BORCS5: variants seen among roughly 807,000 people sequenced by gnomAD.
BORCS5 encodes the protein BLOC-1 related complex subunit 5.
BORCS5 carries 17 observed loss-of-function variants against 22.1 expected under a neutral mutation model. That is an observed-to-expected ratio of 0.77 (90% confidence interval 0.53 to 1.15). The LOEUF is 1.15. BORCS5 is among the 50% of genes most tolerant of loss of function. BORCS5 has a pLI of 0.00. For synonymous variants in BORCS5, 117 were observed against 99.8 expected (o/e 1.17, Z -1.03); for missense variants, 247 against 253.2 (o/e 0.98, Z 0.17).
chr12:12,429,211 G>A (rs113280814), intron 2 of BORCS5, among the ~76,000 whole-genome samples: 65 of 152,304 alleles, frequency 4.3e-4, no homozygotes, highest in African/African-American at 1.3e-3. Context: ...AAAATTTACC[G>A]TCTCTAAATT....
rs554567005 is a variant in BORCS5, at chr12:12,357,275, C to A, written c.-177C>A. On this transcript the variant is annotated 5_prime_UTR_variant, in exon 1 of 4. Transcript: ENST00000314565. ...TTCCCCAAATAGGGCCTCTCCTTCT[C>A]CCGCCGCCCAGGCCCCTGCGTGGGC... The A allele has an allele frequency of 6.9e-5, 100 of 1,457,916 alleles. No homozygotes were observed. In the Middle Eastern group the frequency reaches 1.7e-3, roughly 25 times the overall value. The allele number at this position is 1,457,916 out of a possible 1,614,324, so 90.3% of individuals were successfully genotyped here.
chr12:12,413,631 GC>G lies in BORCS5; in HGVS notation c.203-21996del, dbSNP rs751173678. Among the ~76,000 whole-genome samples the G allele has an allele frequency of 3.1e-3, 407 of 132,540 alleles. 1 individual carries two copies. The highest frequency in any genetic ancestry group is 4.9e-3 in the Admixed American group (67 of 13,760). The allele number at this position is 132,540 out of a possible 152,430, so 87.0% of individuals were successfully genotyped here. A position where few individuals can be genotyped will look rare whatever the true frequency, so the allele number is the denominator to read the frequency against. ...AGACGGGTCGTGGCCGGGCAGAGGGGCTCCTCACTTCCCAGTAGGGGCGGCC... is the reference window on the plus strand; with the variant it reads ...AGACGGGTCGTGGCCGGGCAGAGGGGTCCTCACTTCCCAGTAGGGGCGGCC... On this transcript the variant is annotated intron_variant, in intron 2 of 3. Coordinates refer to ENST00000314565, the MANE Select transcript of BORCS5 (RefSeq NM_058169.6).
chr12:12,362,636 CTTTTTTTTTT>C (rs71436712), intron 2 of BORCS5, among the ~76,000 whole-genome samples: 4 of 57,554 alleles, frequency 6.9e-5, no homozygotes, highest in Non-Finnish European at 1.4e-4. Flanking sequence ...TGTTACTCAT[CTTTTTTTTTT>C]TTTTTTTTTT....
At chr12:12,364,564 G>T (rs1030128835) in intron 2 of BORCS5, among the ~76,000 whole-genome samples, 1 of 151,296 alleles carries the variant, frequency 6.6e-6, no homozygotes, top group Non-Finnish European at 1.5e-5. Context: ...ACGTGGTTCA[G>T]ACCCATGTTG....
Position 12,357,295 on chromosome 12 carries a change from G to A in BORCS5, c.-157G>A, listed in dbSNP as rs932918011. The A allele has an allele frequency of 6.9e-7, 1 of 1,456,054 alleles. No individual in the cohort carries two copies. The highest frequency in any genetic ancestry group is 9.1e-7 in the Non-Finnish European group (1 of 1,103,794). 90.2% of individuals were successfully genotyped at this position (1,456,054 alleles called of 1,614,324 possible). On this transcript the variant is annotated 5_prime_UTR_variant, in exon 1 of 4. It adds an upstream start codon to the 5' untranslated region. Coordinates refer to ENST00000314565, the MANE Select transcript of BORCS5 (RefSeq NM_058169.6). Reference sequence around the variant, plus strand: ...CTTCTCCCGCCGCCCAGGCCCCTGCGTGGGCTGGACGCGTCAGCCCCACAC... The same window carrying A: ...CTTCTCCCGCCGCCCAGGCCCCTGCATGGGCTGGACGCGTCAGCCCCACAC...
chr12:12,382,532 ATC>A (rs1863795754), intron 2 of BORCS5, among the ~76,000 whole-genome samples: 1 of 142,200 alleles, frequency 7.0e-6, no homozygotes, highest in African/African-American at 2.9e-5. Flanking sequence ...GATGGTATAT[ATC>A]TTTTTTTTTT....
intron 3 of BORCS5, among the ~76,000 whole-genome samples, chr12:12,449,743 C>T (rs1254788125): frequency 2.6e-5 from 4 of 152,214 alleles, no homozygotes; most frequent in Non-Finnish European, 5.9e-5. Context: ...CGATGCCGTT[C>T]AGCCTGTGGT....
At chr12:12,423,441 T>TA (rs1360903165) in intron 2 of BORCS5, among the ~76,000 whole-genome samples, 3 of 136,644 alleles carry the variant, frequency 2.2e-5, no homozygotes, top group Non-Finnish European at 4.6e-5. Flanking sequence ...CCCTCAGCTT[T>TA]TTTTTTTTTT....
rs537820703 is a variant in BORCS5 at position 12,412,157 on chromosome 12, A to C, written c.203-23471A>C. On this transcript the variant is annotated intron_variant, in intron 2 of 3. Transcript: ENST00000314565. ...GATGGATCTTTCTATTTCTGAAAAA[A>C]AGTCACTGGGATTTTGATAGGGATT... Among the ~76,000 whole-genome samples, 5 of 152,296 alleles carry C rather than the reference A, an allele frequency of 3.3e-5. No homozygotes were observed. In the South Asian group the frequency reaches 1.0e-3, roughly 32 times the overall value.
At chr12:12,427,177 T>C (rs111691689) in intron 2 of BORCS5, among the ~76,000 whole-genome samples, 35 of 28,598 alleles carry the variant, frequency 1.2e-3, no homozygotes, top group African/African-American at 2.0e-3. Context: ...CTTTTCTTTT[T>C]TTTTTTTTTT....
chr12:12,422,769 T>G (rs76450953), intron 2 of BORCS5, among the ~76,000 whole-genome samples: 1 of 152,142 alleles, frequency 6.6e-6, no homozygotes, highest in East Asian at 1.9e-4. Flanking sequence ...GTCCAAAATA[T>G]AAACTAATAC....
intron 2 of BORCS5, among the ~76,000 whole-genome samples, chr12:12,370,873 C>G (rs766402034): frequency 6.6e-6 from 1 of 151,790 alleles, no homozygotes; most frequent in Non-Finnish European, 1.5e-5. Flanking sequence ...CTCAGCCTGC[C>G]GAGTAGCTGG....
chr12:12,455,967 T>G (rs1330925997), intron 3 of BORCS5, among the ~76,000 whole-genome samples: 2 of 152,232 alleles, frequency 1.3e-5, no homozygotes, highest in African/African-American at 4.8e-5. Flanking sequence ...TTATTAAATT[T>G]GCTTTTGATC....
At chr12:12,421,401 G>A (rs538025976) in intron 2 of BORCS5, among the ~76,000 whole-genome samples, 96 of 152,262 alleles carry the variant, frequency 6.3e-4, no homozygotes, top group Non-Finnish European at 9.9e-4. Flanking sequence ...GGATGAAGCC[G>A]ACTTGATCGT....
At chr12:12,415,388 A>C (rs1941908482) in intron 2 of BORCS5, among the ~76,000 whole-genome samples, 1 of 151,612 alleles carries the variant, frequency 6.6e-6, no homozygotes, top group East Asian at 1.9e-4. Flanking sequence ...CTCCACCAAA[A>C]AAAAAACGAA....
chr12:12,357,121 G>A lies in BORCS5; in HGVS notation c.-331G>A. The A allele has an allele frequency of 6.5e-7, 1 of 1,534,448 alleles. No homozygotes were observed. The stretch of plus-strand genomic sequence containing the variant: ...GCGAGCTTGCGGAGCGTGAACCAGT[G>A]AGTGAAAGCGGCGCCGCCCGCCGGC... On this transcript the variant is annotated 5_prime_UTR_variant, in exon 1 of 4. Coordinates refer to ENST00000314565, the MANE Select transcript of BORCS5 (RefSeq NM_058169.6).
intron 2 of BORCS5, among the ~76,000 whole-genome samples, chr12:12,370,363 C>G (rs1863499417): frequency 6.6e-6 from 1 of 151,926 alleles, no homozygotes; most frequent in Non-Finnish European, 1.5e-5. Flanking sequence ...CTTTTTTTTG[C>G]CCACTTTTGT....
intron 2 of BORCS5, among the ~76,000 whole-genome samples, chr12:12,403,589 G>A (rs1941526654): frequency 6.6e-6 from 1 of 152,102 alleles, no homozygotes; most frequent in African/African-American, 2.4e-5. Flanking sequence ...TTCCATAAAG[G>A]AGCATGTTTT....
At chr12:12,462,794 C>G (rs111950425) in intron 3 of BORCS5, among the ~76,000 whole-genome samples, 1 of 152,216 alleles carries the variant, frequency 6.6e-6, no homozygotes, top group African/African-American at 2.4e-5. Flanking sequence ...GTAGTTGGGA[C>G]TATAGGCGCA....
Sources: allele counts gnomAD v4.1 joint callset (sites outside exome capture counted in the v4.1 genomes callset), GRCh38; gene constraint gnomAD v4.1.1; transcripts MANE v1.5; gene names NCBI Gene and HGNC (gene_info 2026-07-23, HGNC 2026-07-21).